TPTE: variants seen among roughly 807,000 people sequenced by gnomAD.
TPTE encodes transmembrane phosphatase with tensin homology.
A neutral mutation model predicts 84.1 loss-of-function variants in TPTE; 59 were observed. The ratio of observed to expected loss-of-function variants is 0.70; its 90% CI spans 0.57 to 0.87. The LOEUF is 0.87. TPTE is among the 40% of genes least tolerant of loss of function. The pLI, the probability that TPTE is intolerant of heterozygous loss-of-function variation, is 0.00. For missense variants in TPTE, 382 were observed against 659.6 expected (o/e 0.58, Z 4.61); for synonymous variants, 130 against 223.5 (o/e 0.58, Z 3.73).
At chr21:10,544,471 A>G (rs1297356301) in intron 7 of TPTE, among the ~76,000 whole-genome samples, 3 of 152,308 alleles carry the variant, frequency 2.0e-5, no homozygotes, top group Non-Finnish European at 2.9e-5. Flanking sequence ...TGTAACCTCC[A>G]TCTCCCGGGT....
chr21:10,585,169 C>A (rs2075340276), intron 17 of TPTE, among the ~76,000 whole-genome samples: 1 of 152,278 alleles, frequency 6.6e-6, no homozygotes, highest in Non-Finnish European at 1.5e-5. Flanking sequence ...GGCAGAGGTT[C>A]CAGTGAGCCA....
chr21:10,601,481 A>G (rs1366434016), intron 21 of TPTE, among the ~76,000 whole-genome samples: 1 of 152,250 alleles, frequency 6.6e-6, no homozygotes, highest in African/African-American at 2.4e-5. Flanking sequence ...CTGGCGACAG[A>G]GTGAGACTCT....
chr21:10,540,141 C>T (rs1473423003), intron 4 of TPTE, among the ~76,000 whole-genome samples: 2 of 152,308 alleles, frequency 1.3e-5, no homozygotes, highest in African/African-American at 2.4e-5. Flanking sequence ...ACTTCTTTGG[C>T]ACGGCCCTGT....
At chr21:10,547,973 A>T (rs1312414872) in intron 7 of TPTE, among the ~76,000 whole-genome samples, 2 of 152,310 alleles carry the variant, frequency 1.3e-5, no homozygotes, top group Admixed American at 1.3e-4. Flanking sequence ...CAACAGAGTG[A>T]CTATGAGCCC....
intron 9 of TPTE, among the ~76,000 whole-genome samples, chr21:10,559,872 T>TAAAAAAAAAAAAAAAAA (rs61583687): frequency 3.4e-5 from 4 of 117,090 alleles, no homozygotes; most frequent in African/African-American, 9.0e-5. Context: ...AGACTCCATG[T>TAAAAAAAAAAAAAAAAA]AAAAAAAAAA....
chr21:10,588,754 A>T (rs1260444599), intron 17 of TPTE, among the ~76,000 whole-genome samples: 1 of 152,310 alleles, frequency 6.6e-6, no homozygotes, highest in Non-Finnish European at 1.5e-5. Context: ...TCAAAAGACC[A>T]GTCTTCAAGC....
At chr21:10,534,774 T>A (rs1365480789) in intron 3 of TPTE, among the ~76,000 whole-genome samples, 3 of 152,310 alleles carry the variant, frequency 2.0e-5, no homozygotes, top group Non-Finnish European at 4.4e-5. Context: ...GTATGTAACA[T>A]CCTTTTCTTT....
chr21:10,542,427 A>AG lies in TPTE; in HGVS notation c.100dup (p.Glu34GlyfsTer12). ...ACAAGTGAATTTAAAGGAGCAACCG[A>AG]GGAGGCACCTGCGAAAGAAAGGTGA... On this transcript the variant is annotated frameshift_variant, in exon 6 of 24. Coordinates refer to ENST00000618007, the MANE Select transcript of TPTE (RefSeq NM_199261.4). LOFTEE classifies it high-confidence loss of function. 1.2e-6 allele frequency: 2 copies of AG among 1,611,904 alleles called. No individual in the cohort carries two copies.
intron 17 of TPTE, among the ~76,000 whole-genome samples, chr21:10,585,997 T>C (rs565588433): frequency 6.6e-6 from 1 of 152,200 alleles, no homozygotes; most frequent in Non-Finnish European, 1.5e-5. Flanking sequence ...CACGGATTTA[T>C]CAATTTTACT....
intron 1 of TPTE, among the ~76,000 whole-genome samples, chr21:10,523,440 T>TCCCTCCC (rs1446715317): frequency 1.5e-5 from 2 of 129,818 alleles, no homozygotes; most frequent in East Asian, 2.7e-4. Context: ...CCCAATGCTA[T>TCCCTCCC]CCCTCCCCCC....
chr21:10,549,402 G>T (rs972498811), intron 7 of TPTE, among the ~76,000 whole-genome samples: 9 of 152,298 alleles, frequency 5.9e-5, no homozygotes, highest in Non-Finnish European at 1.0e-4. Flanking sequence ...ACAGAAAAAA[G>T]AATAATCTTA....
intron 19 of TPTE, among the ~76,000 whole-genome samples, chr21:10,592,805 G>GTGTGTGTGTGTGTGTGT (rs1555820855): frequency 6.7e-6 from 1 of 148,850 alleles, no homozygotes; most frequent in Non-Finnish European, 1.5e-5. Context: ...GATGACTCCT[G>GTGTGTGTGTGTGTGTGT]GTGTGTGTGT....
chr21:10,605,120 A>T (rs1261055611), intron 23 of TPTE, among the ~76,000 whole-genome samples: 3 of 152,302 alleles, frequency 2.0e-5, no homozygotes, highest in African/African-American at 7.2e-5. Context: ...GTCTATCCTG[A>T]CTGATTTCTG....
intron 20 of TPTE, 106 bp downstream of exon 20, chr21:10,596,193 T>G: frequency 6.8e-7 from 1 of 1,468,792 alleles, no homozygotes; most frequent in South Asian, 1.2e-5. Flanking sequence ...AACTCATACT[T>G]GTCTTTTTAC....
chr21:10,598,072 C>T lies in TPTE; in HGVS notation c.1334C>T (p.Thr445Ile), dbSNP rs767015423. The T allele has an allele frequency of 3.1e-6, 5 of 1,613,662 alleles. No individual in the cohort carries two copies. The highest frequency in any genetic ancestry group is 2.2e-5 in the East Asian group (1 of 44,864). The change falls in exon 21 of 24, where the codon ACT becomes ATT. Residue 445 changes from threonine (T) to isoleucine (I), a missense_variant. This residue lies in a region of TPTE where 36 missense variants were observed against 36.3 expected (regional missense o/e 0.99). Transcript: ENST00000618007. ...ATGGAGAAAAAGGTTGTCTTTTCCA[C>T]TATTTCATTAGGAAAATGTTCGGTA... ...IEMEKKVVFSTISLGKCSVLD... is the reference protein window; with the variant it reads ...IEMEKKVVFSIISLGKCSVLD...
chr21:10,564,495 G>T (rs1288714904), intron 10 of TPTE, among the ~76,000 whole-genome samples: 1 of 152,312 alleles, frequency 6.6e-6, no homozygotes, highest in African/African-American at 2.4e-5. Flanking sequence ...GGGTGACAGA[G>T]TGAGATTCAG....
intron 14 of TPTE, among the ~76,000 whole-genome samples, chr21:10,573,070 A>AAAAAC: frequency 6.6e-6 from 1 of 152,412 alleles, no homozygotes; most frequent in Middle Eastern, 3.4e-3. Flanking sequence ...AAAAAAAAAA[A>AAAAAC]AAAGACCCAA....
chr21:10,600,066 A>G (rs1180671451), intron 21 of TPTE, among the ~76,000 whole-genome samples: 2 of 152,284 alleles, frequency 1.3e-5, no homozygotes, highest in African/African-American at 4.8e-5. Flanking sequence ...CAGCCTCACA[A>G]GATGCTGGGA....
At chr21:10,590,704 AG>A (rs1173349209) in intron 18 of TPTE, among the ~76,000 whole-genome samples, 181 bp downstream of exon 18, 5 of 152,300 alleles carry the variant, frequency 3.3e-5, no homozygotes, top group African/African-American at 1.2e-4. Context: ...ACTAGTTAGT[AG>A]CTGACTTCAG....
Sources: allele counts gnomAD v4.1 joint callset (sites outside exome capture counted in the v4.1 genomes callset), GRCh38; gene constraint gnomAD v4.1.1; regional missense constraint gnomAD v4.1.1; transcripts MANE v1.5; gene names NCBI Gene and HGNC (gene_info 2026-07-23, HGNC 2026-07-21).